Variants in NAV2 observed in about 807,000 individuals in gnomAD.
NAV2 encodes neuron navigator 2, also known as helicase, APC down-regulated 1.
In NAV2, 54 loss-of-function variants were observed where a neutral mutation model predicts 223.2. The ratio of observed to expected loss-of-function variants is 0.24; its 90% confidence interval spans 0.19 to 0.30. NAV2 has a LOEUF of 0.30. Ranked by LOEUF, NAV2 falls within the 10% of genes least tolerant of loss-of-function variation. The pLI, the probability that NAV2 is intolerant of heterozygous loss-of-function variation, is 1.00. For synonymous variants in NAV2, 1,279 were observed against 1,239.3 expected (o/e 1.03, Z -0.67); for missense variants, 2,806 against 3,147.5 (o/e 0.89, Z 2.60).
intron 1 of NAV2, among the ~76,000 whole-genome samples, chr11:19,816,901 T>C (rs1437667298): frequency 6.6e-6 from 1 of 151,458 alleles, no homozygotes; most frequent in Non-Finnish European, 1.5e-5. Flanking sequence ...TCCCACCACC[T>C]TTTTTTTTCC....
intron 8 of NAV2, among the ~76,000 whole-genome samples, chr11:19,943,382 G>A (rs1296037035): frequency 2.0e-5 from 3 of 152,138 alleles, no homozygotes; most frequent in African/African-American, 7.2e-5. Context: ...GGAAATGCAA[G>A]TTTGACCACT....
chr11:19,841,393 A>G (rs1469923750), intron 2 of NAV2, among the ~76,000 whole-genome samples: 1 of 152,182 alleles, frequency 6.6e-6, no homozygotes, highest in East Asian at 1.9e-4. Flanking sequence ...TGATTCTATT[A>G]TCTTTTTCAG....
chr11:19,540,942 G>C (rs1028097879), intron 1 of NAV2, among the ~76,000 whole-genome samples: 7 of 152,126 alleles, frequency 4.6e-5, no homozygotes, highest in African/African-American at 1.7e-4. Context: ...GAAGGGAAGA[G>C]AAGACAAGAC....
In NAV2 at chr11:20,049,079, C is replaced by G. The variant is rs143710017; in HGVS notation, c.4254C>G (p.Leu1418=). The G allele has an allele frequency of 6.2e-7, 1 of 1,614,086 alleles. No homozygotes were observed. The highest frequency in any genetic ancestry group is 8.5e-7 in the Non-Finnish European group (1 of 1,180,022). ...GCTGTGAGTCCATCGACATCTCCCT[C>G]AGCAGTGGAGGGGTCCCCAGCCACA... ...HTSCESIDIS[L]SSGGVPSHNS... Residue 1418 remains leucine, a synonymous_variant, in exon 15 of 38, where the codon CTC becomes CTG. Coordinates refer to ENST00000349880, the MANE Select transcript of NAV2 (RefSeq NM_145117.5).
intron 1 of NAV2, among the ~76,000 whole-genome samples, chr11:19,558,299 T>G (rs1444253625): frequency 6.6e-6 from 1 of 152,220 alleles, no homozygotes; most frequent in Admixed American, 6.5e-5. Flanking sequence ...CCTCATGTGA[T>G]GTTGGCTGGG....
intron 1 of NAV2, among the ~76,000 whole-genome samples, chr11:19,585,423 GA>G (rs1279477137): frequency 6.6e-6 from 1 of 152,184 alleles, no homozygotes; most frequent in Non-Finnish European, 1.5e-5. Context: ...CTGTCATTAT[GA>G]TATTAGCTGG....
rs185305775 is a variant in NAV2 at position 19,727,931 on chromosome 11, C to T, written c.267+13969C>T. 5.9e-5 allele frequency among the ~76,000 whole-genome samples: 9 copies of T among 152,246 alleles called. No homozygotes were observed. The East Asian group carries it at 1.7e-3, about 29-fold the overall frequency. ...GCTGTGGAGCACTTTTTGGTTTCTCCTAGCTTTGTCCAGCTCTCCTAGCTT... is the reference window on the plus strand; with the variant it reads ...GCTGTGGAGCACTTTTTGGTTTCTCTTAGCTTTGTCCAGCTCTCCTAGCTT... On this transcript the variant is annotated intron_variant, in intron 1 of 37. Coordinates refer to ENST00000349880, the MANE Select transcript of NAV2 (RefSeq NM_145117.5).
At chr11:19,669,371 A>T (rs1431273202) in intron 1 of NAV2, among the ~76,000 whole-genome samples, 2 of 152,164 alleles carry the variant, frequency 1.3e-5, no homozygotes, top group African/African-American at 4.8e-5. Flanking sequence ...TGAGTCACTA[A>T]AAGTGGCTCT....
intron 10 of NAV2, among the ~76,000 whole-genome samples, chr11:19,975,126 A>G (rs1194563732): frequency 6.6e-6 from 1 of 152,224 alleles, no homozygotes; most frequent in Non-Finnish European, 1.5e-5. Context: ...GAAGGTGGAC[A>G]AAAAGCTTCC....
intron 3 of NAV2, among the ~76,000 whole-genome samples, chr11:19,862,832 GAGAC>G (rs1451302814): frequency 6.6e-6 from 1 of 152,226 alleles, no homozygotes; most frequent in Non-Finnish European, 1.5e-5. Flanking sequence ...ATAGAGGAAA[GAGAC>G]AGATAACACT....
chr11:20,093,559 A>G (rs1375084090), intron 29 of NAV2, among the ~76,000 whole-genome samples: 2 of 152,186 alleles, frequency 1.3e-5, no homozygotes, highest in Non-Finnish European at 2.9e-5. Context: ...TAAGGTACAG[A>G]AATAAACTGA....
chr11:20,063,182 T>G (rs545435265), intron 20 of NAV2, among the ~76,000 whole-genome samples: 1 of 152,250 alleles, frequency 6.6e-6, no homozygotes, highest in East Asian at 1.9e-4. Context: ...TTTAAGTAGG[T>G]TTGAAAGAAA....
chr11:20,095,863 TTCTCAGACCTGTCCCCTTCCCTACATG>T, intron 30 of NAV2, 96 bp downstream of exon 30: 1 of 849,706 alleles, frequency 1.2e-6, no homozygotes, highest in Non-Finnish European at 2.0e-6. Context: ...GCTTGGCCAT[TTCTCAGACCTGTCCCCTTCCCTACATG>T]TTAATGTTGC....
chr11:19,533,760 G>T (rs1441369760), intron 1 of NAV2, among the ~76,000 whole-genome samples: 1 of 125,746 alleles, frequency 8.0e-6, no homozygotes, highest in African/African-American at 4.8e-5. Context: ...AGGCTGGAGT[G>T]CAGTGGCGGG....
intron 31 of NAV2, 25 bp from the exon 32 acceptor site, chr11:20,100,912 T>C (rs377271882): frequency 1.2e-6 from 2 of 1,600,408 alleles, no homozygotes; most frequent in Admixed American, 3.3e-5. Flanking sequence ...GGGCTTCAGA[T>C]GATTCCTGTC....
chr11:19,983,857 G>A lies in NAV2; in HGVS notation c.2646-268G>A, dbSNP rs10500865. 5.7e-4 allele frequency among the ~76,000 whole-genome samples: 87 copies of A among 152,224 alleles called. No individual in the cohort carries two copies. The East Asian group carries it at 7.5e-3, about 13-fold the overall frequency. ...CAGTTAATTTTATTCCCTAGTTCCC[G>A]TCTGCGTCGTAGGTACCTGTGAGTT... On this transcript the variant is annotated intron_variant, in intron 10 of 37. Coordinates refer to ENST00000349880, the MANE Select transcript of NAV2 (RefSeq NM_145117.5).
chr11:19,384,234 G>A (rs930687728), intron 1 of NAV2, among the ~76,000 whole-genome samples: 2 of 152,184 alleles, frequency 1.3e-5, no homozygotes, highest in African/African-American at 4.8e-5. Flanking sequence ...AATATAAAAT[G>A]TTTATCTCTA....
chr11:19,833,274 G>A (rs1376082398), intron 2 of NAV2, among the ~76,000 whole-genome samples: 2 of 152,220 alleles, frequency 1.3e-5, no homozygotes, highest in Non-Finnish European at 2.9e-5. Context: ...GCATTAGCCT[G>A]ATTATTGTTA....
At chr11:20,091,390 C>G (rs1182327561) in intron 27 of NAV2, among the ~76,000 whole-genome samples, 2 of 152,178 alleles carry the variant, frequency 1.3e-5, no homozygotes, top group Non-Finnish European at 2.9e-5. Flanking sequence ...TGACTGCCCC[C>G]TTTGCATCCT....
Sources: allele counts gnomAD v4.1 joint callset (sites outside exome capture counted in the v4.1 genomes callset), GRCh38; gene constraint gnomAD v4.1.1; transcripts MANE v1.5; gene names NCBI Gene and HGNC (gene_info 2026-07-23, HGNC 2026-07-21).